The following SLCO5A1 variants were observed in gnomAD, a reference collection of about 807,000 sequenced individuals.
SLCO5A1 encodes the protein organic anion transporter polypeptide-related protein 4.
In SLCO5A1, 39 loss-of-function variants were observed where a neutral mutation model predicts 65.1. That is an observed-to-expected ratio of 0.60 (90% confidence interval 0.46 to 0.78). The LOEUF is 0.78. Ranked by LOEUF, SLCO5A1 falls within the 30% of genes least tolerant of loss-of-function variation. The pLI is 0.00. For missense variants in SLCO5A1, 1,029 were observed against 1,069.4 expected (o/e 0.96, Z 0.53); for synonymous variants, 438 against 415.7 (o/e 1.05, Z -0.65).
At chr8:69,717,111 A>G (rs1454059138) in intron 5 of SLCO5A1, among the ~76,000 whole-genome samples, 1 of 152,118 alleles carries the variant, frequency 6.6e-6, no homozygotes, top group Admixed American at 6.6e-5. Context: ...CCTTTGATGA[A>G]CAATAGTTTT....
intron 2 of SLCO5A1, among the ~76,000 whole-genome samples, chr8:69,816,315 A>G (rs1820407570): frequency 6.6e-6 from 1 of 152,178 alleles, no homozygotes; most frequent in Admixed American, 6.5e-5. Context: ...GTCTCCAGAG[A>G]GCCAAAATCA....
Position 69,832,713 on chromosome 8 carries a change from G to C in SLCO5A1, c.-40C>G, listed in dbSNP as rs1220155900. 6.5e-7 allele frequency: 1 copy of C among 1,542,516 alleles called. No homozygotes were observed. The highest frequency in any genetic ancestry group is 8.7e-7 in the Non-Finnish European group (1 of 1,152,722). On this transcript the variant is annotated 5_prime_UTR_variant, in exon 2 of 10. Transcript: ENST00000260126. This position sits in a 1 kb window ranked among gnomAD's most constrained non-coding sequence, Gnocchi z 4.5. ...AGATTTGATAGCTGATGGCACCCAA[G>C]CACTCCGGCACGTTTCATCCACCGG...
chr8:69,782,056 G>C (rs1202709961), intron 2 of SLCO5A1, among the ~76,000 whole-genome samples: 1 of 151,810 alleles, frequency 6.6e-6, no homozygotes, highest in East Asian at 1.9e-4. Flanking sequence ...CAAACACCAG[G>C]GCCTGTCAGC....
chr8:69,785,663 A>G (rs746525061), intron 2 of SLCO5A1, among the ~76,000 whole-genome samples: 11 of 152,242 alleles, frequency 7.2e-5, no homozygotes, highest in Non-Finnish European at 1.2e-4. Context: ...AGTAAGCAGT[A>G]GATTCAAACC....
intron 2 of SLCO5A1, among the ~76,000 whole-genome samples, chr8:69,762,248 G>A (rs1412347262): frequency 2.0e-5 from 3 of 149,828 alleles, no homozygotes; most frequent in East Asian, 2.0e-4. Context: ...GTGCAGTGGC[G>A]TGATCTCAGC....
At chr8:69,690,370 G>A (rs1047714509) in intron 6 of SLCO5A1, among the ~76,000 whole-genome samples, 7 of 151,186 alleles carry the variant, frequency 4.6e-5, no homozygotes, top group South Asian at 2.1e-4. Context: ...GTCAACACCC[G>A]CCGCGGGCCT....
intron 9 of SLCO5A1, among the ~76,000 whole-genome samples, chr8:69,674,294 T>C (rs530465719): frequency 6.6e-6 from 1 of 151,754 alleles, no homozygotes; most frequent in South Asian, 2.1e-4. Context: ...TTATGGAAGA[T>C]AGCAATGGGA....
At chr8:69,760,316 T>C (rs1235718347) in intron 3 of SLCO5A1, among the ~76,000 whole-genome samples, 1 of 152,226 alleles carries the variant, frequency 6.6e-6, no homozygotes, top group African/African-American at 2.4e-5. Context: ...GGGGAACTCC[T>C]TTCTGTATGA....
intron 2 of SLCO5A1, among the ~76,000 whole-genome samples, chr8:69,800,675 T>A (rs949424976): frequency 4.6e-5 from 7 of 152,166 alleles, no homozygotes; most frequent in African/African-American, 1.7e-4. Context: ...GTCTTAAATA[T>A]CTTAGGGTTT....
At chr8:69,741,245 G>C (rs926836281) in intron 4 of SLCO5A1, among the ~76,000 whole-genome samples, 3 of 152,212 alleles carry the variant, frequency 2.0e-5, no homozygotes, top group African/African-American at 7.2e-5. Flanking sequence ...AAATACTCAT[G>C]TTAGATAAGC....
chr8:69,682,124 A>G (rs1813809550), intron 7 of SLCO5A1, 60 bp downstream of exon 7: 2 of 1,527,748 alleles, frequency 1.3e-6, no homozygotes, highest in South Asian at 2.5e-5. Context: ...TAGGAATTTC[A>G]TCACATCCTT....
At chr8:69,747,608 C>G (rs1008363558) in intron 4 of SLCO5A1, among the ~76,000 whole-genome samples, 1 of 152,124 alleles carries the variant, frequency 6.6e-6, no homozygotes, top group South Asian at 2.1e-4. Context: ...AATACTGCAC[C>G]ATTTTTATAT....
Position 69,704,936 on chromosome 8 carries a change from A to G in SLCO5A1, c.1622+95T>C, listed in dbSNP as rs1814901231. On this transcript the variant is annotated intron_variant, in intron 6 of 9. Coordinates refer to ENST00000260126, the MANE Select transcript of SLCO5A1 (RefSeq NM_030958.3). ...AGCACACACAGGGAGAACAGCTTGG[A>G]GGGAGGGGTATGAGGCTGACTGCAG... 3 of 1,125,024 alleles carry G rather than the reference A, an allele frequency of 2.7e-6. 1 individual carries two copies. The highest frequency in any genetic ancestry group is 3.9e-6 in the Non-Finnish European group (3 of 762,710). 69.7% of individuals were successfully genotyped at this position (1,125,024 alleles called of 1,614,324 possible). A position where few individuals can be genotyped will look rare whatever the true frequency, so the allele number is the denominator to read the frequency against.
intron 6 of SLCO5A1, among the ~76,000 whole-genome samples, chr8:69,691,752 G>T (rs1198906409): frequency 6.6e-6 from 1 of 152,152 alleles, no homozygotes; most frequent in Non-Finnish European, 1.5e-5. Context: ...GCATCATCAG[G>T]TGGTTTCATC....
At chr8:69,787,434 C>T (rs1293111237) in intron 2 of SLCO5A1, among the ~76,000 whole-genome samples, 4 of 152,140 alleles carry the variant, frequency 2.6e-5, no homozygotes, top group East Asian at 3.9e-4. Context: ...CAAGGTTGCC[C>T]GGTTTGGATG....
chr8:69,820,809 T>C (rs1820602491), intron 2 of SLCO5A1, among the ~76,000 whole-genome samples: 2 of 152,194 alleles, frequency 1.3e-5, no homozygotes, highest in Non-Finnish European at 2.9e-5. Flanking sequence ...CATAGACATA[T>C]ACACACATAT....
At chr8:69,755,673 C>T (rs373149133) in intron 3 of SLCO5A1, 32 bp from the exon 4 acceptor site, 6 of 1,561,384 alleles carry the variant, frequency 3.8e-6, no homozygotes, top group African/African-American at 1.4e-5. Context: ...ATAGCATTTA[C>T]GTCTTTTCTT....
intron 5 of SLCO5A1, among the ~76,000 whole-genome samples, chr8:69,732,601 C>T (rs886534313): frequency 2.0e-5 from 3 of 152,248 alleles, no homozygotes; most frequent in Admixed American, 2.0e-4. Context: ...TGGCTCACAT[C>T]TGTAATCTCA....
intron 2 of SLCO5A1, among the ~76,000 whole-genome samples, chr8:69,824,731 T>A (rs1820795082): frequency 1.3e-5 from 2 of 152,154 alleles, no homozygotes; most frequent in Non-Finnish European, 2.9e-5. Context: ...CTTCTGAAAC[T>A]CTTCCAATCA....
Sources: allele counts gnomAD v4.1 joint callset (sites outside exome capture counted in the v4.1 genomes callset), GRCh38; gene constraint gnomAD v4.1.1; non-coding constraint Gnocchi (gnomAD v3.1); transcripts MANE v1.5; gene names NCBI Gene and HGNC (gene_info 2026-07-23, HGNC 2026-07-21).